VPS13C: variants seen among roughly 807,000 people sequenced by gnomAD.
The protein encoded by VPS13C is intermembrane lipid transfer protein VPS13C.
Under a neutral mutation model 456.8 loss-of-function variants are expected in VPS13C, and 358 were observed. That is an observed-to-expected ratio of 0.78 (90% confidence interval 0.72 to 0.86). VPS13C has a LOEUF of 0.86. Ranked by LOEUF, VPS13C falls within the 40% of genes least tolerant of loss-of-function variation. The probability of loss-of-function intolerance (pLI) is 0.00; values close to 1 mark genes in which losing one functional copy is unlikely to be tolerated. For missense variants in VPS13C, 4,818 were observed against 4,385.4 expected, an observed-to-expected ratio of 1.10 and a Z score of -2.79; for synonymous variants, 1,578 against 1,486.7, an observed-to-expected ratio of 1.06 and a Z score of -1.41.
intron 64 of VPS13C, among the ~76,000 whole-genome samples, chr15:61,909,503 G>A (rs1201838114): frequency 1.3e-5 from 2 of 152,144 alleles, no homozygotes; most frequent in African/African-American, 4.8e-5. Context: ...CTCTGCACCC[G>A]GCCTGTTTCC....
At chr15:61,875,440 G>C (rs1001972384) in intron 76 of VPS13C, among the ~76,000 whole-genome samples, 1 of 152,088 alleles carries the variant, frequency 6.6e-6, no homozygotes, top group African/African-American at 2.4e-5. Context: ...TGCCCTATTA[G>C]TCCCTTCCAC....
chr15:61,989,201 G>A (rs2046149379), intron 18 of VPS13C, among the ~76,000 whole-genome samples: 1 of 151,372 alleles, frequency 6.6e-6, no homozygotes, highest in African/African-American at 2.4e-5. Context: ...GACCAGCCTG[G>A]GCAATGTGGC....
At chr15:61,966,789 A>C (rs547654010) in intron 29 of VPS13C, among the ~76,000 whole-genome samples, 1 of 151,936 alleles carries the variant, frequency 6.6e-6, no homozygotes, top group East Asian at 1.9e-4. Flanking sequence ...TTATCTCCCT[A>C]CTCGTCTACA....
chr15:61,854,463 T>C lies in VPS13C; in HGVS notation c.11256A>G (p.Pro3752=). The change falls in exon 85 of 85, where the codon CCA becomes CCG. Residue 3752 remains proline (P), a synonymous_variant. Coordinates refer to ENST00000644861, the MANE Select transcript of VPS13C (RefSeq NM_020821.3). Reference sequence around the variant, plus strand: ...GAGCCCCTGAGGTCTGTGATTAAGATGGCAATTGGGGTCTGAGAAGTCTCA... The same window carrying C: ...GAGCCCCTGAGGTCTGTGATTAAGACGGCAATTGGGGTCTGAGAAGTCTCA... ...SSVRLLRPQL[P]S The C allele has an allele frequency of 2.5e-6, 4 of 1,614,126 alleles. No individual in the cohort carries two copies. The highest frequency in any genetic ancestry group is 3.4e-6 in the Non-Finnish European group (4 of 1,179,946).
At chr15:62,023,545 G>C in intron 7 of VPS13C, 25 bp from the exon 8 acceptor site, 1 of 1,503,736 alleles carries the variant, frequency 6.7e-7, no homozygotes, top group Non-Finnish European at 9.0e-7. Flanking sequence ...AAAAATACAA[G>C]CTCAAGAGTT....
intron 35 of VPS13C, 124 bp from the exon 36 acceptor site, chr15:61,959,719 G>C (rs547229784): frequency 1.1e-6 from 1 of 919,662 alleles, no homozygotes; most frequent in Admixed American, 3.0e-5. Flanking sequence ...TGTGGCTTGA[G>C]TATTTTCAAA....
intron 66 of VPS13C, among the ~76,000 whole-genome samples, chr15:61,892,507 C>A (rs2042682544): frequency 6.6e-6 from 1 of 152,138 alleles, no homozygotes; most frequent in Admixed American, 6.5e-5. Context: ...GACCTCTAAG[C>A]AAACATATTC....
At position 61,869,527 on chromosome 15, in the gene VPS13C, G is replaced by A. The variant is rs1413749854; in HGVS notation, c.10721C>T (p.Ala3574Val). 3.1e-6 allele frequency: 5 copies of A among 1,614,054 alleles called. No individual in the cohort carries two copies. Among genetic ancestry groups the A allele is most frequent in the Middle Eastern group, 1.6e-4 (1 of 6,062 alleles). ...ARPTGGIVDM[A>V]SSTFQGIQRA... is the part of the protein sequence containing the mutation. The stretch of plus-strand genomic sequence containing the variant: ...CTGAATGCCTTGGAAGGTACTACTG[G>A]CCATATCTACGATTCCACCAGTTGG... The change falls in exon 80 of 85, where the codon GCC becomes GTC. Residue 3574 changes from alanine to valine, a missense_variant. Ala to Val is a moderately conservative substitution (Grantham distance 64). Coordinates refer to ENST00000644861, the MANE Select transcript of VPS13C (RefSeq NM_020821.3).
chr15:61,988,324 G>A (rs1197455148), intron 18 of VPS13C, among the ~76,000 whole-genome samples: 1 of 152,130 alleles, frequency 6.6e-6, no homozygotes, highest in African/African-American at 2.4e-5. Context: ...TAAAATTTAA[G>A]ATCTGTGCAC....
At chr15:62,023,291 T>C in intron 8 of VPS13C, 120 bp downstream of exon 8, 1 of 554,576 alleles carries the variant, frequency 1.8e-6, no homozygotes, top group Non-Finnish European at 3.0e-6. Context: ...GGTAGTGTAC[T>C]CATAAGAAAA....
Position 61,946,252 on chromosome 15 carries a change from T to C in VPS13C, c.4980+55A>G, listed in dbSNP as rs1219947564. On this transcript the variant is annotated intron_variant, in intron 44 of 84. Transcript: ENST00000644861. Reference sequence around the variant, plus strand: ...TATACTGTGCAAATAAATAATAGCATCTCAAATCCAAAAGGCAAAATAAAT... The same window carrying C: ...TATACTGTGCAAATAAATAATAGCACCTCAAATCCAAAAGGCAAAATAAAT... The C allele has an allele frequency of 1.1e-5, 14 of 1,313,870 alleles. No individual in the cohort carries two copies. In the East Asian group the frequency reaches 2.5e-4, roughly 23 times the overall value. 81.4% of individuals were successfully genotyped at this position (1,313,870 alleles called of 1,614,324 possible). A position where few individuals can be genotyped will look rare whatever the true frequency, so the allele number is the denominator to read the frequency against.
In VPS13C at chr15:61,919,368, G is replaced by C. The variant is rs568860952; in HGVS notation, c.7559C>G (p.Ala2520Gly). 12 of 1,604,546 alleles carry C rather than the reference G, an allele frequency of 7.5e-6. No individual in the cohort carries two copies. In the East Asian group the frequency reaches 2.7e-4, roughly 36 times the overall value. The change falls in exon 58 of 85, where the codon GCC becomes GGC. Residue 2520 changes from alanine (A) to glycine (G), a missense_variant. By Grantham distance (60) the Ala-to-Gly change is moderately conservative. Coordinates refer to ENST00000644861, the MANE Select transcript of VPS13C (RefSeq NM_020821.3). ...RRLYNVRNPN[A>G]SHSDSVLVQI... ...TACCAAGACAGAGTCAGAATGACTGGCATTGGGATTCCGTACATTATACAA... is the reference window on the plus strand; with the variant it reads ...TACCAAGACAGAGTCAGAATGACTGCCATTGGGATTCCGTACATTATACAA...
chr15:62,036,816 G>T (rs1462829704), intron 3 of VPS13C, among the ~76,000 whole-genome samples: 1 of 151,676 alleles, frequency 6.6e-6, no homozygotes, highest in South Asian at 2.1e-4. Context: ...TCCTTTTATA[G>T]ATCAGGAAAT....
chr15:61,893,964 C>T (rs987791404), intron 66 of VPS13C, among the ~76,000 whole-genome samples: 8 of 151,980 alleles, frequency 5.3e-5, no homozygotes, highest in Admixed American at 5.2e-4. Flanking sequence ...ACCACTTAAC[C>T]ACTAAGGAAG....
chr15:61,942,560 T>TA (rs956996770), intron 45 of VPS13C, among the ~76,000 whole-genome samples: 4 of 150,104 alleles, frequency 2.7e-5, no homozygotes, highest in African/African-American at 9.9e-5. Flanking sequence ...TTTTTTTTTT[T>TA]ATGTACTCAG....
At chr15:61,909,994 G>A (rs1258925985) in intron 64 of VPS13C, among the ~76,000 whole-genome samples, 183 bp downstream of exon 64, 1 of 132,678 alleles carries the variant, frequency 7.5e-6, no homozygotes, top group African/African-American at 2.7e-5. Flanking sequence ...GGGGGAGGGG[G>A]GAGGAATAGC....
At chr15:61,954,310 C>T in intron 38 of VPS13C, 111 bp downstream of exon 38, 2 of 1,182,244 alleles carry the variant, frequency 1.7e-6, no homozygotes, top group Non-Finnish European at 2.4e-6. Flanking sequence ...ATGTGAACAG[C>T]CCACATAGAT....
intron 64 of VPS13C, among the ~76,000 whole-genome samples, chr15:61,909,832 A>C (rs1276250553): frequency 6.6e-6 from 1 of 152,082 alleles, no homozygotes; most frequent in African/African-American, 2.4e-5. Context: ...TGCTATTGTG[A>C]ATAGCGCCGC....
intron 50 of VPS13C, among the ~76,000 whole-genome samples, chr15:61,930,619 C>A (rs2044023460): frequency 6.6e-6 from 1 of 152,144 alleles, no homozygotes; most frequent in Non-Finnish European, 1.5e-5. Context: ...ATATAACTCA[C>A]CCTTTCAAAA....
Sources: gnomAD v4.1 joint callset for allele counts (sites outside exome capture counted in the v4.1 genomes callset) on GRCh38, gnomAD v4.1.1 for gene constraint, MANE v1.5 for transcripts, NCBI Gene and HGNC (gene_info 2026-07-23, HGNC 2026-07-21) for gene names.